The following SHROOM3 variants were observed in gnomAD, a reference collection of about 807,000 sequenced individuals.
SHROOM3 encodes the protein protein Shroom3.
Under a neutral mutation model 138.6 loss-of-function variants are expected in SHROOM3, and 47 were observed. The observed-to-expected ratio is 0.34, with a 90% CI of 0.27 to 0.43. SHROOM3 has a LOEUF of 0.43. Ranked by LOEUF, SHROOM3 falls within the 20% of genes least tolerant of loss-of-function variation. The pLI is 1.00. For synonymous variants in SHROOM3, 1,062 were observed against 1,063.3 expected (o/e 1.00, Z 0.02); for missense variants, 2,491 against 2,596.5 (o/e 0.96, Z 0.88).
chr4:76,525,606 T>C (rs1732672970), intron 1 of SHROOM3, among the ~76,000 whole-genome samples: 1 of 152,230 alleles, frequency 6.6e-6, no homozygotes, highest in African/African-American at 2.4e-5. Context: ...TTTACCATGA[T>C]GTAACCTCTG....
In SHROOM3 at chr4:76,773,728, C is replaced by A. The variant is rs943041806; in HGVS notation, c.5622+2830C>A. Reference sequence around the variant, plus strand: ...TGCCACAGTTTCTTTTCGCACTCTCCAGTCTCTTTTCCATCACTCCCCTTG... The same window carrying A: ...TGCCACAGTTTCTTTTCGCACTCTCAAGTCTCTTTTCCATCACTCCCCTTG... On this transcript the variant is annotated intron_variant, in intron 10 of 10. Coordinates refer to ENST00000296043, the MANE Select transcript of SHROOM3 (RefSeq NM_020859.4). 4.6e-5 allele frequency among the ~76,000 whole-genome samples: 7 copies of A among 152,192 alleles called. No individual in the cohort carries two copies. The East Asian group carries it at 1.3e-3, about 29-fold the overall frequency.
intron 1 of SHROOM3, among the ~76,000 whole-genome samples, chr4:76,533,588 A>T (rs1732876986): frequency 6.6e-6 from 1 of 152,172 alleles, no homozygotes; most frequent in Non-Finnish European, 1.5e-5. Flanking sequence ...GACCTTAGAG[A>T]ACACTGATGT....
Position 76,741,121 on chromosome 4 carries a change from G to C in SHROOM3, c.2948G>C (p.Arg983Pro), listed in dbSNP as rs781725740. The change falls in exon 5 of 11, where the codon CGG (arginine) becomes CCG (proline). Residue 983 changes from arginine to proline, a missense_variant. Physicochemically the swap from Arg to Pro is moderately radical, Grantham distance 103. Around this residue, in one of 4 missense-constraint regions of SHROOM3, gnomAD observed 1,733 missense variants for 1,661.6 expected, o/e 1.04. Coordinates refer to ENST00000296043, the MANE Select transcript of SHROOM3 (RefSeq NM_020859.4). This position sits in a 1 kb window ranked among gnomAD's most constrained non-coding sequence, Gnocchi z 6.2. ...GCCTCCGCCTCCCCGCACACGCCCC[G>C]GGAGCGGCACAGCGTGACCCCTGCT... is the stretch of plus-strand genomic sequence containing the variant. ...ASASASPHTP[R>P]ERHSVTPAEG... The C allele has an allele frequency of 6.4e-7, 1 of 1,551,768 alleles. No individual in the cohort carries two copies. Among genetic ancestry groups the C allele is most frequent in the East Asian group, 2.5e-5 (1 of 40,810 alleles).
chr4:76,718,514 CT>C (rs1435343536), intron 3 of SHROOM3, among the ~76,000 whole-genome samples: 1 of 152,160 alleles, frequency 6.6e-6, no homozygotes, highest in East Asian at 1.9e-4. Flanking sequence ...AATATAGATT[CT>C]TTTGAGCATT....
chr4:76,741,474 G>A lies in SHROOM3; in HGVS notation c.3301G>A (p.Ala1101Thr), dbSNP rs559580712. 6.0e-5 allele frequency: 94 copies of A among 1,560,576 alleles called. 1 individual carries two copies. The African/African-American group carries it at 1.1e-3, about 18-fold the overall frequency. ...CAAGACCGGCAAGCGGCCTACCTCC[G>A]CCGCCGGCTGCAGCCTCCAGGAGCC... The part of the protein sequence containing the change: ...QRKTGKRPTS[A>T]AGCSLQEPGP... The change falls in exon 5 of 11, where the codon GCC becomes ACC. Residue 1101 changes from alanine to threonine, a missense_variant. Physicochemically the swap from Ala to Thr is moderately conservative, Grantham distance 58. Around this residue, in one of 4 missense-constraint regions of SHROOM3, gnomAD observed 1,733 missense variants for 1,661.6 expected, o/e 1.04. Transcript: ENST00000296043. The surrounding 1 kb of genome is among the most constrained non-coding windows in gnomAD (Gnocchi z 6.2).
At chr4:76,468,326 A>C (rs1038857408) in intron 1 of SHROOM3, among the ~76,000 whole-genome samples, 1 of 152,196 alleles carries the variant, frequency 6.6e-6, no homozygotes, top group Non-Finnish European at 1.5e-5. Flanking sequence ...TCTTTAACCC[A>C]ACAAGACCAC....
In SHROOM3 at chr4:76,741,544, G is replaced by T. The variant is rs571420400; in HGVS notation, c.3371G>T (p.Gly1124Val). 11 of 1,548,212 alleles carry T rather than the reference G, an allele frequency of 7.1e-6. No individual in the cohort carries two copies. The Middle Eastern group carries it at 5.7e-4, about 80-fold the overall frequency. The change falls in exon 5 of 11, where the codon GGC (glycine) becomes GTC (valine). Residue 1124 changes from glycine (G) to valine (V), a missense_variant. By Grantham distance (109) the Gly-to-Val change is moderately radical. This residue lies in a region of SHROOM3 where 1,733 missense variants were observed against 1,661.6 expected (regional missense o/e 1.04). Transcript: ENST00000296043. The surrounding 1 kb of genome is among the most constrained non-coding windows in gnomAD (Gnocchi z 6.2). The stretch of plus-strand genomic sequence containing the variant: ...GCCCAGAGTGCCTACCTCCAGCCCG[G>T]CCCCGCGGCGCTCGAAGGCTCCGGC... ...ERAQSAYLQP[G>V]PAALEGSGLA...
chr4:76,436,352 T>A, intron 1 of SHROOM3, 132 bp downstream of exon 1: 1 of 1,026,772 alleles, frequency 9.7e-7, no homozygotes, highest in Non-Finnish European at 1.4e-6. Context: ...TCTGATTATC[T>A]AGAAATATTT....
chr4:76,439,715 C>T (rs573436533), intron 1 of SHROOM3, among the ~76,000 whole-genome samples: 139 of 152,250 alleles, frequency 9.1e-4, no homozygotes, highest in African/African-American at 3.1e-3. Context: ...GGCACAAACA[C>T]ATTATACAAG....
intron 1 of SHROOM3, among the ~76,000 whole-genome samples, chr4:76,523,131 T>C (rs1199693700): frequency 6.6e-6 from 1 of 152,222 alleles, no homozygotes; most frequent in South Asian, 2.1e-4. Flanking sequence ...GTCCTCCAGC[T>C]TCTGGTAGTT....
intron 2 of SHROOM3, among the ~76,000 whole-genome samples, chr4:76,590,979 G>A (rs1220459033): frequency 1.3e-5 from 2 of 152,086 alleles, no homozygotes; most frequent in Non-Finnish European, 2.9e-5. Flanking sequence ...TATGCCCTCC[G>A]GTATGAATAT....
intron 9 of SHROOM3, among the ~76,000 whole-genome samples, chr4:76,768,112 A>C (rs2109789396): frequency 6.6e-6 from 1 of 152,334 alleles, no homozygotes; most frequent in Admixed American, 6.5e-5. Context: ...TCGAGTTAAA[A>C]ATTCCTGGGC....
intron 2 of SHROOM3, among the ~76,000 whole-genome samples, chr4:76,565,981 G>A (rs368116273): frequency 1.1e-4 from 17 of 151,870 alleles, no homozygotes; most frequent in East Asian, 7.8e-4. Flanking sequence ...ATGGTGGTGC[G>A]TGCCTGTAGT....
chr4:76,710,408 G>C (rs544226022), intron 3 of SHROOM3, 121 bp downstream of exon 3: 2 of 1,219,382 alleles, frequency 1.6e-6, no homozygotes, highest in Middle Eastern at 2.6e-4. Flanking sequence ...TTGAGAGAGA[G>C]GTAAGAGGCA....
At position 76,661,714 on chromosome 4, in the gene SHROOM3, G is replaced by A. The variant is rs116477966; in HGVS notation, c.324-48442G>A. ...TTTTTGTTGATATTTGTCACTCAAT[G>A]TAAGGTTTCTGAACTTTATCTGTGT... is the stretch of plus-strand genomic sequence containing the variant. On this transcript the variant is annotated intron_variant, in intron 2 of 10. Coordinates refer to ENST00000296043, the MANE Select transcript of SHROOM3 (RefSeq NM_020859.4). 5.8e-3 allele frequency among the ~76,000 whole-genome samples: 890 copies of A among 152,284 alleles called. 8 individuals are homozygous for A. The highest frequency in any genetic ancestry group is 0.02 in the African/African-American group (850 of 41,560).
intron 1 of SHROOM3, among the ~76,000 whole-genome samples, chr4:76,464,291 G>C (rs747143847): frequency 6.6e-6 from 1 of 152,208 alleles, no homozygotes; most frequent in Non-Finnish European, 1.5e-5. Context: ...TGACTGCCCT[G>C]CTGGGTTTCG....
At chr4:76,478,963 A>G (rs1731545777) in intron 1 of SHROOM3, among the ~76,000 whole-genome samples, 1 of 152,078 alleles carries the variant, frequency 6.6e-6, no homozygotes, top group Non-Finnish European at 1.5e-5. Context: ...CCACTCAGAA[A>G]CCCCATCTGA....
At chr4:76,678,336 A>G (rs1457349013) in intron 2 of SHROOM3, among the ~76,000 whole-genome samples, 2 of 152,182 alleles carry the variant, frequency 1.3e-5, no homozygotes, top group Non-Finnish European at 2.9e-5. Context: ...ATTCAATATC[A>G]TATTGTCTGG....
intron 2 of SHROOM3, among the ~76,000 whole-genome samples, chr4:76,704,391 A>T (rs901152952): frequency 3.3e-5 from 5 of 152,242 alleles, no homozygotes; most frequent in Non-Finnish European, 1.5e-5. Flanking sequence ...TCATGTGGTT[A>T]TAAGTGCAGT....
Sources: allele counts gnomAD v4.1 joint callset (sites outside exome capture counted in the v4.1 genomes callset), GRCh38; gene constraint gnomAD v4.1.1; regional missense constraint gnomAD v4.1.1; non-coding constraint Gnocchi (gnomAD v3.1); transcripts MANE v1.5; gene names NCBI Gene and HGNC (gene_info 2026-07-23, HGNC 2026-07-21).